GTPBP4: variants seen among roughly 807,000 people sequenced by gnomAD.
The protein encoded by GTPBP4 is GTP-binding protein 4.
In GTPBP4, 15 loss-of-function variants were observed where a neutral mutation model predicts 81.7. The ratio of observed to expected loss-of-function variants is 0.18; its 90% CI spans 0.12 to 0.28. GTPBP4 has a LOEUF of 0.28. Among genes scored for constraint, GTPBP4 ranks in the 10% least tolerant of loss-of-function variants. The pLI, the probability that GTPBP4 is intolerant of heterozygous loss-of-function variation, is 1.00. For synonymous variants in GTPBP4, 272 were observed against 274.6 expected (o/e 0.99, Z 0.09); for missense variants, 847 against 793.8 (o/e 1.07, Z -0.81).
At chr10:1,013,108 C>T (rs550198905) in intron 14 of GTPBP4, among the ~76,000 whole-genome samples, 7 of 151,792 alleles carry the variant, frequency 4.6e-5, no homozygotes, top group Admixed American at 1.3e-4. Flanking sequence ...CTCAGCCTCC[C>T]GAGTAGCTGG....
chr10:1,011,069 AT>A (rs1434254526), intron 13 of GTPBP4, among the ~76,000 whole-genome samples: 1,580 of 73,264 alleles, frequency 0.022, 91 homozygotes, highest in African/African-American at 0.075. Flanking sequence ...ATTCTCCTGC[AT>A]CCCTCCATCC....
rs928645268 is a variant in GTPBP4, at chr10:997,847, C to T, written c.561+539C>T. ...AATCGTATGTGGTCTAGTAGAGGGA[C>T]GGTGCCGAGTCGCTCTTTCCCTGGG... On this transcript the variant is annotated intron_variant, in intron 5 of 16. Transcript: ENST00000360803. 5.3e-5 allele frequency among the ~76,000 whole-genome samples: 8 copies of T among 152,080 alleles called. No individual in the cohort carries two copies. In the East Asian group the frequency reaches 5.8e-4, roughly 11 times the overall value.
At chr10:1,010,351 T>G in intron 12 of GTPBP4, 69 bp from the exon 13 acceptor site, 5 of 733,632 alleles carry the variant, frequency 6.8e-6, no homozygotes, top group South Asian at 1.5e-5. Flanking sequence ...TCACAACTCA[T>G]TTTGCGCACG....
chr10:992,355 G>A (rs975891554), intron 1 of GTPBP4, 134 bp from the exon 2 acceptor site: 12 of 561,224 alleles, frequency 2.1e-5, no homozygotes, highest in African/African-American at 3.9e-5. Flanking sequence ...AGCCGAGATC[G>A]TGCCACTGCA....
rs370956730 is a variant in GTPBP4, at chr10:1,010,902, C to T, written c.1344+382C>T. 3.9e-3 allele frequency among the ~76,000 whole-genome samples: 575 copies of T among 146,338 alleles called. 5 individuals carry two copies. The highest frequency in any genetic ancestry group is 6.0e-3 in the South Asian group (27 of 4,496). On this transcript the variant is annotated intron_variant, in intron 13 of 16. Coordinates refer to ENST00000360803, the MANE Select transcript of GTPBP4 (RefSeq NM_012341.3). ...TGCATCCCTCCATCCTGACTCTGCC[C>T]CCTACACCACCTTCCCCACCCCGAG...
intron 9 of GTPBP4, among the ~76,000 whole-genome samples, chr10:1,006,566 A>G (rs1283079946): frequency 6.6e-6 from 1 of 152,200 alleles, no homozygotes; most frequent in Non-Finnish European, 1.5e-5. Context: ...TGAACCTGGG[A>G]GGCGGAGGTT....
At chr10:988,748 T>TGGTCCACCC in intron 1 of GTPBP4, 1 of 557,226 alleles carries the variant, frequency 1.8e-6, no homozygotes, top group South Asian at 2.1e-5. Context: ...GGGGTCCACC[T>TGGTCCACCC]AAGACCGTGG....
rs150951294 is a variant in GTPBP4 at position 1,007,064 on chromosome 10, G to C, written c.1049G>C (p.Gly350Ala). The C allele has an allele frequency of 6.2e-7, 1 of 1,613,288 alleles. No individual in the cohort carries two copies. Among genetic ancestry groups the C allele is most frequent in the Non-Finnish European group, 8.5e-7 (1 of 1,179,346 alleles). Reference protein sequence around the residue: ...LAHRVETKMKGNKVNEVLNRL... With the variant: ...LAHRVETKMKANKVNEVLNRL... ...CATCGAGTGGAAACCAAAATGAAGGGAAATAAAGTGAATGAGGTGCTGAAT... is the reference window on the plus strand; with the variant it reads ...CATCGAGTGGAAACCAAAATGAAGGCAAATAAAGTGAATGAGGTGCTGAAT... Residue 350 changes from glycine to alanine, a missense_variant, in exon 10 of 17, where the codon GGA (glycine) becomes GCA (alanine). Gly to Ala is a moderately conservative substitution (Grantham distance 60). This residue lies in a region of GTPBP4 where 600 missense variants were observed against 557.1 expected (regional missense o/e 1.08). Transcript: ENST00000360803.
intron 8 of GTPBP4, among the ~76,000 whole-genome samples, chr10:1,001,863 G>T (rs1053995759): frequency 5.3e-5 from 8 of 151,706 alleles, no homozygotes; most frequent in African/African-American, 1.9e-4. Flanking sequence ...TGTGTTTTAT[G>T]CAGCGGTTGG....
intron 8 of GTPBP4, among the ~76,000 whole-genome samples, chr10:1,004,423 C>A (rs574882307): frequency 1.3e-5 from 2 of 152,250 alleles, no homozygotes; most frequent in African/African-American, 4.8e-5. Flanking sequence ...CTCGGCTCAG[C>A]CCCTGCCCTG....
At position 996,203 on chromosome 10, in the gene GTPBP4, A is replaced by C; in HGVS notation, c.421A>C (p.Ile141Leu). 1 of 1,613,942 alleles carries C rather than the reference A, an allele frequency of 6.2e-7. No homozygotes were observed. Among genetic ancestry groups the C allele is most frequent in the Non-Finnish European group, 8.5e-7 (1 of 1,179,880 alleles). Residue 141 changes from isoleucine to leucine, a missense_variant, in exon 4 of 17, where the codon ATC becomes CTC. Around this residue, in one of 3 missense-constraint regions of GTPBP4, gnomAD observed 241 missense variants for 216.3 expected, o/e 1.11. Transcript: ENST00000360803. The stretch of plus-strand genomic sequence containing the variant: ...GGCCCTGGGACGGATGTGCACAGTG[A>C]TCAAGAGGCAGAAGCAGAGTTTGGA... ...RAALGRMCTV[I>L]KRQKQSLEYL... is the part of the protein sequence containing the mutation.
chr10:988,443 G>A lies in GTPBP4; in HGVS notation c.-37G>A, dbSNP rs753057339. ...ACCTGCGCCCGACGGCGGAAGTTCC[G>A]GGAGTGCCAAGTACCCGCGTGCATA... On this transcript the variant is annotated 5_prime_UTR_variant, in exon 1 of 17. Transcript: ENST00000360803. 5.0e-6 allele frequency: 8 copies of A among 1,596,752 alleles called. No individual in the cohort carries two copies. The highest frequency in any genetic ancestry group is 1.1e-5 in the South Asian group (1 of 90,502).
chr10:1,018,135 A>C lies in GTPBP4; in HGVS notation c.*908A>C, dbSNP rs1407541483. On this transcript the variant is annotated 3_prime_UTR_variant, in exon 17 of 17. Transcript: ENST00000360803. ...TTACATGTGGCAATTTTAAAAATTT[A>C]CCAGGGCTGGGCTGGGCGCAGGGGC... 6.6e-6 allele frequency: 1 copy of C among 152,272 alleles called. No individual in the cohort carries two copies. The highest frequency in any genetic ancestry group is 2.4e-5 in the African/African-American group (1 of 41,474). 9.4% of individuals were successfully genotyped at this position (152,272 alleles called of 1,614,324 possible).
At chr10:1,012,387 A>G (rs1831894141) in intron 13 of GTPBP4, 78 bp from the exon 14 acceptor site, 2 of 994,828 alleles carry the variant, frequency 2.0e-6, no homozygotes, top group Middle Eastern at 2.8e-4. Flanking sequence ...CAAAGCTCCC[A>G]TACACACTCT....
At position 996,077 on chromosome 10, in the gene GTPBP4, G is replaced by A. The variant is rs373961456; in HGVS notation, c.324-29G>A. 7 of 1,419,174 alleles carry A rather than the reference G, an allele frequency of 4.9e-6. No individual in the cohort carries two copies. In the Admixed American group the frequency reaches 1.4e-4, roughly 29 times the overall value. 87.9% of individuals were successfully genotyped at this position (1,419,174 alleles called of 1,614,324 possible). On this transcript the variant is annotated intron_variant, in intron 3 of 16. Coordinates refer to ENST00000360803, the MANE Select transcript of GTPBP4 (RefSeq NM_012341.3). Reference sequence around the variant, plus strand: ...AGTGTCTTTTAAGTTATCGAAAGTGGAAAAAATAATATTTTTTATTTTTTA... The same window carrying A: ...AGTGTCTTTTAAGTTATCGAAAGTGAAAAAAATAATATTTTTTATTTTTTA...
Position 1,018,209 on chromosome 10 carries a change from G to A in GTPBP4, c.*982G>A, listed in dbSNP as rs1832023435. On this transcript the variant is annotated 3_prime_UTR_variant, in exon 17 of 17. Coordinates refer to ENST00000360803, the MANE Select transcript of GTPBP4 (RefSeq NM_012341.3). Reference sequence around the variant, plus strand: ...TGGGAGGCCGAGGTGGGCAGATCAGGAGGTCAGGAGTTCGAGACCAGCCTG... The same window carrying A: ...TGGGAGGCCGAGGTGGGCAGATCAGAAGGTCAGGAGTTCGAGACCAGCCTG... The A allele has an allele frequency of 6.6e-6, 1 of 152,214 alleles. No individual in the cohort carries two copies. Among genetic ancestry groups the A allele is most frequent in the Admixed American group, 6.5e-5 (1 of 15,268 alleles). 9.4% of individuals were successfully genotyped at this position (152,214 alleles called of 1,614,324 possible).
chr10:995,782 T>A (rs1474643198), intron 2 of GTPBP4, 147 bp from the exon 3 acceptor site: 1 of 598,966 alleles, frequency 1.7e-6, no homozygotes, highest in Admixed American at 3.0e-5. Context: ...CTCAGAGGAC[T>A]AAATAGACAG....
At chr10:1,002,905 T>G (rs1831661923) in intron 8 of GTPBP4, among the ~76,000 whole-genome samples, 1 of 152,224 alleles carries the variant, frequency 6.6e-6, no homozygotes, top group African/African-American at 2.4e-5. Context: ...CTTTCTGGGC[T>G]GACTCTATTT....
intron 10 of GTPBP4, chr10:1,007,792 T>A (rs1831771788): frequency 2.2e-6 from 1 of 454,802 alleles, no homozygotes. Context: ...GGTCGGGCAC[T>A]GACTGTCAGT....
Sources: gnomAD v4.1 joint callset for allele counts (sites outside exome capture counted in the v4.1 genomes callset) on GRCh38, gnomAD v4.1.1 for gene constraint, gnomAD v4.1.1 regional missense constraint, MANE v1.5 for transcripts, NCBI Gene and HGNC (gene_info 2026-07-23, HGNC 2026-07-21) for gene names.